Variants in B4GALT4 observed in about 807,000 individuals in gnomAD.
The protein encoded by B4GALT4 is N-acetyllactosamine synthase.
A neutral mutation model predicts 37.3 loss-of-function variants in B4GALT4; 27 were observed. That is an observed-to-expected ratio of 0.72 (90% CI 0.53 to 1.00). The LOEUF is 1.00. Among genes scored for constraint, B4GALT4 ranks in the 50% least tolerant of loss-of-function variants. The pLI is 0.00. For missense variants in B4GALT4, 372 were observed against 413.1 expected, an observed-to-expected ratio of 0.90 and a Z score of 0.86; for synonymous variants, 148 against 154.1, an observed-to-expected ratio of 0.96 and a Z score of 0.29.
At position 119,212,672 on chromosome 3, in the gene B4GALT4, G is replaced by C; in HGVS notation, c.912C>G (p.Leu304=). Residue 304 remains leucine, a synonymous_variant, in exon 8 of 8, where the codon CTC becomes CTG. Coordinates refer to ENST00000393765, the MANE Select transcript of B4GALT4 (RefSeq NM_003778.4). ...TCCAGACTCGTGACACTTGGTGTAA[G>C]AGCTTCATCCTAAAGATAAAAAGAA... ...GNEVNAERMK[L]LHQVSRVWRT... The C allele has an allele frequency of 6.3e-7, 1 of 1,599,060 alleles. No individual in the cohort carries two copies. Among genetic ancestry groups the C allele is most frequent in the Non-Finnish European group, 8.5e-7 (1 of 1,176,042 alleles).
At chr3:119,225,243 T>C (rs537303846) in intron 4 of B4GALT4, among the ~76,000 whole-genome samples, 1 of 152,292 alleles carries the variant, frequency 6.6e-6, no homozygotes, top group South Asian at 2.1e-4. Context: ...AATAAAAAAA[T>C]TAAATAATTT....
chr3:119,223,092 T>C (rs2078496039), intron 5 of B4GALT4, among the ~76,000 whole-genome samples: 1 of 152,232 alleles, frequency 6.6e-6, no homozygotes, highest in Non-Finnish European at 1.5e-5. Flanking sequence ...TCACAGTTCT[T>C]TCTCTCCTGC....
At chr3:119,213,550 A>C (rs930673941) in intron 7 of B4GALT4, 5 of 152,262 alleles carry the variant, frequency 3.3e-5, no homozygotes, top group African/African-American at 1.2e-4. Context: ...ATATGGGAAA[A>C]CAAGAAAACC....
At chr3:119,223,334 G>A (rs1399940581) in intron 5 of B4GALT4, among the ~76,000 whole-genome samples, 2 of 152,230 alleles carry the variant, frequency 1.3e-5, no homozygotes, top group African/African-American at 4.8e-5. Context: ...GCAGGGCCTG[G>A]GGAAAGCTGA....
chr3:119,234,813 T>A (rs1576939598), intron 2 of B4GALT4, among the ~76,000 whole-genome samples: 1 of 152,166 alleles, frequency 6.6e-6, no homozygotes, highest in African/African-American at 2.4e-5. Context: ...TCAGGCAACA[T>A]GAAAGAAGTT....
At chr3:119,222,964 C>T (rs1224485234) in intron 5 of B4GALT4, among the ~76,000 whole-genome samples, 1 of 152,172 alleles carries the variant, frequency 6.6e-6, no homozygotes, top group African/African-American at 2.4e-5. Flanking sequence ...TCTTAAATTG[C>T]CCAAAGTGAG....
At chr3:119,221,214 G>A (rs895828295) in intron 5 of B4GALT4, among the ~76,000 whole-genome samples, 2 of 152,180 alleles carry the variant, frequency 1.3e-5, no homozygotes, top group Non-Finnish European at 2.9e-5. Flanking sequence ...GGTACCAAAG[G>A]AGTTCTTGCC....
chr3:119,218,736 G>T lies in B4GALT4; in HGVS notation c.711C>A (p.Ala237=). The T allele has an allele frequency of 6.2e-7, 1 of 1,613,946 alleles. No homozygotes were observed. Among genetic ancestry groups the T allele is most frequent in the Non-Finnish European group, 8.5e-7 (1 of 1,179,898 alleles). The change falls in exon 6 of 8, where the codon GCC becomes GCA. Residue 237 remains alanine (A), a synonymous_variant. Transcript: ENST00000393765. ...CCTTGAAAAACTGCTCTCTGCTTAG[G>T]GCAGTAACACCCCCAAAATATCCAC... ...RYSGYFGGVT[A]LSREQFFKVN...
intron 7 of B4GALT4, chr3:119,214,662 C>T (rs1221022857): frequency 6.6e-6 from 1 of 152,204 alleles, no homozygotes; most frequent in Admixed American, 6.5e-5. Context: ...GTGCTTGACT[C>T]TTTTCTCTTT....
chr3:119,218,627 G>A, intron 6 of B4GALT4, 23 bp downstream of exon 6: 2 of 1,614,024 alleles, frequency 1.2e-6, no homozygotes, highest in East Asian at 2.2e-5. Context: ...GCCCCGTGAA[G>A]GGGACCTTTC....
At chr3:119,215,426 C>A (rs2078263612) in intron 7 of B4GALT4, 1 of 153,154 alleles carries the variant, frequency 6.5e-6, no homozygotes, top group Non-Finnish European at 1.5e-5. Context: ...CTGTTGGCTT[C>A]CCTACTTTTG....
chr3:119,212,712 A>G (rs2078192669), intron 7 of B4GALT4, 31 bp from the exon 8 acceptor site: 3 of 1,561,978 alleles, frequency 1.9e-6, no homozygotes, highest in Non-Finnish European at 2.6e-6. Flanking sequence ...TGTGAATGAT[A>G]AGAATTTAAC....
chr3:119,230,994 G>T (rs998654276), intron 2 of B4GALT4, among the ~76,000 whole-genome samples: 4 of 152,118 alleles, frequency 2.6e-5, no homozygotes, highest in African/African-American at 9.7e-5. Context: ...TCTGTAAAAT[G>T]GGGATAAAAA....
At chr3:119,237,243 T>C (rs2079010936) in intron 1 of B4GALT4, among the ~76,000 whole-genome samples, 173 bp from the exon 2 acceptor site, 1 of 150,472 alleles carries the variant, frequency 6.6e-6, no homozygotes, top group Non-Finnish European at 1.5e-5. Flanking sequence ...GTTTACTTTC[T>C]GCAGTCATTA....
rs2078640748 is a variant in B4GALT4, at chr3:119,226,981, T to C, written c.314A>G (p.Asn105Ser). The change falls in exon 4 of 8, where the codon AAT (asparagine) becomes AGT (serine). Residue 105 changes from asparagine (N) to serine (S), a missense_variant. Asn to Ser is a conservative substitution (Grantham distance 46). Coordinates refer to ENST00000393765, the MANE Select transcript of B4GALT4 (RefSeq NM_003778.4). ...ATACCGGCCTCTGGACACTTTGGGATTTTCTGCCTGTACCTCTTCCAAAGT... is the reference window on the plus strand; with the variant it reads ...ATACCGGCCTCTGGACACTTTGGGACTTTCTGCCTGTACCTCTTCCAAAGT... Reference protein sequence around the residue: ...DLTLEEVQAENPKVSRGRYRP... With the variant: ...DLTLEEVQAESPKVSRGRYRP... The C allele has an allele frequency of 6.2e-7, 1 of 1,614,056 alleles. No homozygotes were observed. The highest frequency in any genetic ancestry group is 1.1e-5 in the South Asian group (1 of 91,082).
At chr3:119,232,764 A>G in intron 2 of B4GALT4, among the ~76,000 whole-genome samples, 1 of 152,148 alleles carries the variant, frequency 6.6e-6, no homozygotes, top group Non-Finnish European at 1.5e-5. Context: ...TAAGGATCTT[A>G]ATCTTAGAAA....
At chr3:119,218,202 A>G (rs1220039177) in intron 6 of B4GALT4, among the ~76,000 whole-genome samples, 7 of 152,136 alleles carry the variant, frequency 4.6e-5, no homozygotes, top group Non-Finnish European at 1.0e-4. Flanking sequence ...ACGCTTGAGG[A>G]GAGGACCTCT....
intron 1 of B4GALT4, among the ~76,000 whole-genome samples, chr3:119,238,320 G>T (rs911746201): frequency 2.0e-5 from 3 of 150,634 alleles, no homozygotes; most frequent in Non-Finnish European, 4.4e-5. Context: ...CAATACATGT[G>T]TGTGTGCATA....
intron 7 of B4GALT4, chr3:119,214,052 C>T (rs533659674): frequency 6.6e-6 from 1 of 150,544 alleles, no homozygotes; most frequent in East Asian, 2.0e-4. Context: ...CAGGAAGACC[C>T]TGTCTTTACA....
Sources: gnomAD v4.1 joint callset for allele counts (sites outside exome capture counted in the v4.1 genomes callset) on GRCh38, gnomAD v4.1.1 for gene constraint, MANE v1.5 for transcripts, NCBI Gene and HGNC (gene_info 2026-07-23, HGNC 2026-07-21) for gene names.